The following MIPOL1 variants were observed in gnomAD, a reference collection of about 807,000 sequenced individuals.
MIPOL1 encodes mirror-image polydactyly 1.
A neutral mutation model predicts 60.9 loss-of-function variants in MIPOL1; 57 were observed. The ratio of observed to expected loss-of-function variants is 0.94; its 90% confidence interval spans 0.76 to 1.17. The LOEUF (loss-of-function observed/expected upper bound fraction) is 1.17. MIPOL1 is among the 50% of genes most tolerant of loss of function. The pLI, the probability that MIPOL1 is intolerant of heterozygous loss-of-function variation, is 0.00. For missense variants in MIPOL1, 551 were observed against 511.6 expected, an observed-to-expected ratio of 1.08 and a Z score of -0.74; for synonymous variants, 179 against 168.8, an observed-to-expected ratio of 1.06 and a Z score of -0.47.
intron 11 of MIPOL1, among the ~76,000 whole-genome samples, chr14:37,489,252 C>T (rs540134300): frequency 1.3e-5 from 2 of 152,274 alleles, no homozygotes; most frequent in South Asian, 4.1e-4. Context: ...ATCAACTCAG[C>T]TATTGATACT....
intron 9 of MIPOL1, among the ~76,000 whole-genome samples, chr14:37,315,799 A>T (rs1182885874): frequency 1.3e-5 from 2 of 152,050 alleles, no homozygotes; most frequent in African/African-American, 2.4e-5. Context: ...AGCCATTGGG[A>T]TATGGATAAG....
chr14:37,473,438 AC>A (rs1331068927), intron 11 of MIPOL1, among the ~76,000 whole-genome samples: 1 of 152,004 alleles, frequency 6.6e-6, no homozygotes, highest in African/African-American at 2.4e-5. Flanking sequence ...CAGACACTAT[AC>A]TATTGCTGGC....
rs191824172 is a variant in MIPOL1, at chr14:37,296,069, G to T, written c.623+10622G>T. On this transcript the variant is annotated intron_variant, in intron 7 of 12. Coordinates refer to ENST00000684589, the MANE Select transcript of MIPOL1 (RefSeq NM_001388067.1). ...ATAGTTGGAAGTAAAGCACTCCTCA[G>T]CAAATGTAAAAGAACAGAAATTATA... 3.0e-4 allele frequency among the ~76,000 whole-genome samples: 46 copies of T among 152,214 alleles called. 2 individuals are homozygous for T. In the East Asian group the frequency reaches 8.5e-3, roughly 28 times the overall value.
chr14:37,245,723 A>G (rs1001069695), intron 1 of MIPOL1, among the ~76,000 whole-genome samples: 6 of 152,236 alleles, frequency 3.9e-5, no homozygotes, highest in Admixed American at 3.3e-4. Context: ...GCTAATTGCA[A>G]TATTTTATCA....
intron 11 of MIPOL1, among the ~76,000 whole-genome samples, chr14:37,425,476 C>T (rs1249715904): frequency 6.6e-6 from 1 of 152,080 alleles, no homozygotes; most frequent in Admixed American, 6.6e-5. Flanking sequence ...CTACTTTTCT[C>T]ACTGCTACTT....
intron 1 of MIPOL1, among the ~76,000 whole-genome samples, chr14:37,215,700 T>C (rs915879254): frequency 6.6e-6 from 1 of 152,100 alleles, no homozygotes; most frequent in Non-Finnish European, 1.5e-5. Context: ...ATGGCTGAAT[T>C]GATGAAAAAA....
chr14:37,477,033 C>T (rs577522981), intron 11 of MIPOL1, among the ~76,000 whole-genome samples: 13 of 151,194 alleles, frequency 8.6e-5, no homozygotes, highest in South Asian at 4.2e-4. Flanking sequence ...CCTGGGTAGC[C>T]GAGATTACAG....
At chr14:37,430,200 A>G (rs2094035966) in intron 11 of MIPOL1, among the ~76,000 whole-genome samples, 1 of 152,148 alleles carries the variant, frequency 6.6e-6, no homozygotes, top group Admixed American at 6.6e-5. Context: ...TTTGGCATTA[A>G]TCAGATTTTT....
intron 10 of MIPOL1, among the ~76,000 whole-genome samples, chr14:37,388,630 T>C (rs1464789867): frequency 6.6e-6 from 1 of 152,026 alleles, no homozygotes; most frequent in Non-Finnish European, 1.5e-5. Context: ...CAAAATATTT[T>C]TTTTGTGCTG....
chr14:37,276,420 G>A (rs951475309), intron 6 of MIPOL1: 1 of 150,988 alleles, frequency 6.6e-6, no homozygotes, highest in African/African-American at 2.4e-5. Flanking sequence ...AGGTTAAAAT[G>A]TAAAGGGTAA....
chr14:37,544,520 A>C (rs1267838807), intron 12 of MIPOL1, among the ~76,000 whole-genome samples: 1 of 152,182 alleles, frequency 6.6e-6, no homozygotes, highest in Non-Finnish European at 1.5e-5. Flanking sequence ...GAGCTACATA[A>C]TTTTTTAAGG....
At chr14:37,316,593 G>GTT (rs5807945) in intron 9 of MIPOL1, among the ~76,000 whole-genome samples, 12,208 of 142,916 alleles carry the variant, frequency 0.085, 788 homozygotes, top group East Asian at 0.32. Context: ...ATCTTGGGAG[G>GTT]TTTTTTTTTT....
At chr14:37,322,473 C>T (rs555845835) in intron 9 of MIPOL1, among the ~76,000 whole-genome samples, 8 of 151,984 alleles carry the variant, frequency 5.3e-5, no homozygotes, top group African/African-American at 1.7e-4. Context: ...ATTTGTTTTA[C>T]TCTGTTCTTA....
intron 3 of MIPOL1, among the ~76,000 whole-genome samples, chr14:37,266,668 C>A (rs563938134): frequency 6.6e-6 from 1 of 152,234 alleles, no homozygotes; most frequent in Admixed American, 6.5e-5. Context: ...GGTCCATGGA[C>A]CACTGCCAAC....
intron 1 of MIPOL1, among the ~76,000 whole-genome samples, chr14:37,242,242 T>A: frequency 6.6e-6 from 1 of 152,136 alleles, no homozygotes; most frequent in African/African-American, 2.4e-5. Context: ...CTTTCCCTCA[T>A]TCTCTCTGTC....
At chr14:37,264,843 A>T (rs1235206235) in intron 3 of MIPOL1, among the ~76,000 whole-genome samples, 2 of 152,188 alleles carry the variant, frequency 1.3e-5, no homozygotes, top group African/African-American at 4.8e-5. Flanking sequence ...TTCTGCAGTC[A>T]TTGAAATCTT....
intron 12 of MIPOL1, among the ~76,000 whole-genome samples, chr14:37,527,771 A>G (rs546293910): frequency 2.4e-3 from 364 of 152,248 alleles, no homozygotes; most frequent in Non-Finnish European, 4.3e-3. Context: ...ATAAAATAAC[A>G]TCTTTGTATA....
intron 10 of MIPOL1, among the ~76,000 whole-genome samples, chr14:37,421,712 G>A (rs964726874): frequency 6.6e-6 from 1 of 151,862 alleles, no homozygotes; most frequent in African/African-American, 2.4e-5. Context: ...TACATGCAAA[G>A]GTCCAAACTG....
intron 6 of MIPOL1, chr14:37,278,412 A>G (rs1046613926): frequency 1.3e-4 from 19 of 151,712 alleles, no homozygotes; most frequent in Non-Finnish European, 1.5e-5. Context: ...ACATCATTAT[A>G]AGTCTTCTCC....
Sources: allele counts gnomAD v4.1 joint callset (sites outside exome capture counted in the v4.1 genomes callset), GRCh38; gene constraint gnomAD v4.1.1; transcripts MANE v1.5; gene names NCBI Gene and HGNC (gene_info 2026-07-23, HGNC 2026-07-21).